Variants in CIZ1 observed in about 807,000 individuals in gnomAD.
CIZ1 encodes the protein cip1-interacting zinc finger protein.
CIZ1 carries 58 observed loss-of-function variants against 118.6 expected under a neutral mutation model. The observed-to-expected ratio is 0.49, with a 90% CI of 0.40 to 0.61. The LOEUF (loss-of-function observed/expected upper bound fraction) is 0.61, where lower values mean the gene tolerates loss of function less well. Among genes scored for constraint, CIZ1 ranks in the 20% least tolerant of loss-of-function variants. CIZ1 has a pLI of 0.00. For missense variants in CIZ1, 921 were observed against 1,115.9 expected (o/e 0.83, Z 2.49); for synonymous variants, 448 against 443.4 (o/e 1.01, Z -0.13).
intron 1 of CIZ1, among the ~76,000 whole-genome samples, chr9:128,199,516 C>A (rs560593992): frequency 2.0e-4 from 30 of 151,992 alleles, no homozygotes; most frequent in Non-Finnish European, 4.1e-4. Flanking sequence ...ACCTGGGCAA[C>A]AAAGCAAGAT....
intron 11 of CIZ1, among the ~76,000 whole-genome samples, chr9:128,170,395 C>T (rs1186184802): frequency 2.6e-5 from 4 of 152,178 alleles, no homozygotes; most frequent in Admixed American, 6.5e-5. Flanking sequence ...GACAGTGTAT[C>T]AGTGGGAAAG....
In CIZ1 at chr9:128,177,546, C is replaced by CAAAAAAACAG; in HGVS notation, c.1818+19_1818+20insCTGTTTTTTT. 2 of 1,353,446 alleles carry CAAAAAAACAG rather than the reference C, an allele frequency of 1.5e-6. No individual in the cohort carries two copies. The highest frequency in any genetic ancestry group is 2.0e-6 in the Non-Finnish European group (2 of 1,013,742). 83.8% of individuals were successfully genotyped at this position (1,353,446 alleles called of 1,614,324 possible). A position where few individuals can be genotyped will look rare whatever the true frequency, so the allele number is the denominator to read the frequency against. The stretch of plus-strand genomic sequence containing the variant: ...CACGCAGGCCCCACCCCTCCCCACC[C>CAAAAAAACAG]TTATCTCCTGTATCAGTACCTGCTG... On this transcript the variant is annotated intron_variant, in intron 10 of 16. Coordinates refer to ENST00000372938, the MANE Select transcript of CIZ1 (RefSeq NM_001131016.2).
chr9:128,183,314 A>G (rs2130982847), intron 5 of CIZ1, among the ~76,000 whole-genome samples: 1 of 152,336 alleles, frequency 6.6e-6, no homozygotes, highest in South Asian at 2.1e-4. Flanking sequence ...TGTGGGGCGC[A>G]GGACCAACCG....
At position 128,185,574 on chromosome 9, in the gene CIZ1, G is replaced by C. The variant is rs573707113; in HGVS notation, c.561C>G (p.Thr187=). The C allele has an allele frequency of 1.3e-6, 2 of 1,522,280 alleles. No individual in the cohort carries two copies. Among genetic ancestry groups the C allele is most frequent in the Non-Finnish European group, 1.8e-6 (2 of 1,134,980 alleles). The allele number at this position is 1,522,280 out of a possible 1,614,324, so 94.3% of individuals were successfully genotyped here. ...TTCGATTGGGGGTGGTAGAGGAGGA[G>C]GTCCGGGCCTGTTTCTGGGGGTTCC... is the stretch of plus-strand genomic sequence containing the variant. ...SGRNPQKQAR[T]SSSTTPNRKD... The change falls in exon 5 of 17, where the codon ACC becomes ACG. Residue 187 remains threonine (T), a synonymous_variant. Coordinates refer to ENST00000372938, the MANE Select transcript of CIZ1 (RefSeq NM_001131016.2).
chr9:128,176,865 C>T (rs1464031078), intron 10 of CIZ1, among the ~76,000 whole-genome samples: 1 of 152,178 alleles, frequency 6.6e-6, no homozygotes, highest in Non-Finnish European at 1.5e-5. Context: ...TGTCACATTG[C>T]TGAATCCCCA....
chr9:128,179,052 T>A lies in CIZ1; in HGVS notation c.1155A>T (p.Ser385=), dbSNP rs1177986746. The A allele has an allele frequency of 2.5e-6, 4 of 1,613,242 alleles. No individual in the cohort carries two copies. The highest frequency in any genetic ancestry group is 3.4e-6 in the Non-Finnish European group (4 of 1,179,270). The change falls in exon 8 of 17, where the codon TCA becomes TCT. Residue 385 remains serine (S), a synonymous_variant. Transcript: ENST00000372938. ...VQPQVQPQAH[S]QGPRQVQLQQ... ...GCAGCTGCACCTGCCTTGGGCCCTG[T>A]GAATGTGCCTGTGGCTGTACCTGTG...
chr9:128,191,150 C>A lies in CIZ1; in HGVS notation c.-6+282G>T. 2.0e-6 allele frequency: 1 copy of A among 512,362 alleles called. No individual in the cohort carries two copies. The highest frequency in any genetic ancestry group is 2.8e-5 in the South Asian group (1 of 35,608). 31.7% of individuals were successfully genotyped at this position (512,362 alleles called of 1,614,324 possible). A position where few individuals can be genotyped will look rare whatever the true frequency, so the allele number is the denominator to read the frequency against. ...TCCATCTCTCCATTTCTGGCGGCTC[C>A]ATCCTCCCACCCTCAGCCTCAGCCT... On this transcript the variant is annotated intron_variant, in intron 1 of 16. Transcript: ENST00000372938. The surrounding 1 kb of genome is among the most constrained non-coding windows in gnomAD (Gnocchi z 5.5).
chr9:128,190,303 G>A, intron 3 of CIZ1, 26 bp downstream of exon 3: 2 of 1,528,208 alleles, frequency 1.3e-6, no homozygotes, highest in Non-Finnish European at 1.8e-6. Context: ...AAAAGAGACT[G>A]AGAAGAGGCC....
chr9:128,196,377 C>T (rs1336804442), upstream of CIZ1, among the ~76,000 whole-genome samples: 3 of 151,842 alleles, frequency 2.0e-5, no homozygotes, highest in African/African-American at 7.3e-5. Flanking sequence ...GGGAGATCAC[C>T]GTCTCTACAA....
upstream of CIZ1, among the ~76,000 whole-genome samples, chr9:128,194,545 G>A (rs545389261): frequency 4.0e-5 from 6 of 151,830 alleles, no homozygotes; most frequent in Admixed American, 2.6e-4. Flanking sequence ...AGCTGGGCAT[G>A]GTGGCTCACG....
chr9:128,200,732 G>A (rs867356175), intron 1 of CIZ1, among the ~76,000 whole-genome samples: 2 of 152,048 alleles, frequency 1.3e-5, no homozygotes, highest in Non-Finnish European at 2.9e-5. Context: ...AGCTACTTTG[G>A]AGGCTGAGGC....
intron 14 of CIZ1, 147 bp downstream of exon 14, chr9:128,168,905 C>G: frequency 8.9e-7 from 1 of 1,119,654 alleles, no homozygotes; most frequent in Non-Finnish European, 1.3e-6. Flanking sequence ...CATAGTCATG[C>G]AGAAGGCAGT....
chr9:128,204,160 A>G (rs1175485635), intron 1 of CIZ1: 1 of 152,418 alleles, frequency 6.6e-6, no homozygotes, highest in East Asian at 1.9e-4. Flanking sequence ...AGGACCGGGC[A>G]CGGCCTCCCG....
rs1423802193 is a variant in CIZ1 at position 128,203,431 on chromosome 9, A to G, written c.-6+755T>C. The G allele has an allele frequency of 1.1e-5, 16 of 1,421,442 alleles. No homozygotes were observed. The highest frequency in any genetic ancestry group is 1.5e-5 in the Non-Finnish European group (16 of 1,083,886). The allele number at this position is 1,421,442 out of a possible 1,614,324, so 88.1% of individuals were successfully genotyped here. The stretch of plus-strand genomic sequence containing the variant: ...AGCCGGAGTCGGAGCCGGGAGCGCT[A>G]GCGGCAGCCGGATCGCAGCCTGCGG... On this transcript the variant is annotated intron_variant, in intron 1 of 17. Transcript: ENST00000372948. The surrounding 1 kb of genome is among the most constrained non-coding windows in gnomAD (Gnocchi z 5.3).
chr9:128,174,287 G>A (rs1233807716), intron 11 of CIZ1, among the ~76,000 whole-genome samples: 1 of 152,172 alleles, frequency 6.6e-6, no homozygotes, highest in Non-Finnish European at 1.5e-5. Context: ...AAACGTGCAC[G>A]TGACCACAAT....
rs777527266 is a variant in CIZ1, at chr9:128,179,333, G to C, written c.874C>G (p.Gln292Glu). The C allele has an allele frequency of 1.2e-6, 2 of 1,614,158 alleles. No individual in the cohort carries two copies. Among genetic ancestry groups the C allele is most frequent in the African/African-American group, 2.7e-5 (2 of 75,028 alleles). The change falls in exon 8 of 17, where the codon CAG (glutamine) becomes GAG (glutamate). Residue 292 changes from glutamine to glutamate, a missense_variant. Coordinates refer to ENST00000372938, the MANE Select transcript of CIZ1 (RefSeq NM_001131016.2). ...QPQARMTVPKQTQTPDLLPEA... is the reference protein window; with the variant it reads ...QPQARMTVPKETQTPDLLPEA... ...GGCAGCAGGTCTGGTGTCTGTGTCT[G>C]TTTCGGTACTGTCATCCGGGCCTGC...
At chr9:128,198,451 G>A (rs1329832424) in intron 1 of CIZ1, 3 of 152,110 alleles carry the variant, frequency 2.0e-5, no homozygotes, top group Non-Finnish European at 4.4e-5. Context: ...ACTTGACCCC[G>A]GAGCTGTGTA....
In CIZ1 at chr9:128,178,909, G is replaced by T; in HGVS notation, c.1298C>A (p.Pro433Gln). The T allele has an allele frequency of 6.2e-7, 1 of 1,614,228 alleles. No homozygotes were observed. Among genetic ancestry groups the T allele is most frequent in the Non-Finnish European group, 8.5e-7 (1 of 1,180,038 alleles). The change falls in exon 8 of 17, where the codon CCA (proline) becomes CAA (glutamine). Residue 433 changes from proline (P) to glutamine (Q), a missense_variant. Physicochemically the swap from Pro to Gln is moderately conservative, Grantham distance 76 (BLOSUM62 -1). Coordinates refer to ENST00000372938, the MANE Select transcript of CIZ1 (RefSeq NM_001131016.2). ...LQKQVQTQTY[P>Q]QVHTQAQPSV... The stretch of plus-strand genomic sequence containing the variant: ...TGGCTGTGCCTGTGTGTGGACCTGT[G>T]GATATGTCTGTGTCTGGACCTGCTT...
upstream of CIZ1, among the ~76,000 whole-genome samples, chr9:128,194,744 G>T (rs1238001680): frequency 6.6e-6 from 1 of 152,118 alleles, no homozygotes; most frequent in Non-Finnish European, 1.5e-5. Flanking sequence ...CTTGAACCTG[G>T]TAGGCAGAGG....
Sources: allele counts gnomAD v4.1 joint callset (sites outside exome capture counted in the v4.1 genomes callset), GRCh38; gene constraint gnomAD v4.1.1; non-coding constraint Gnocchi (gnomAD v3.1); transcripts MANE v1.5; gene names NCBI Gene and HGNC (gene_info 2026-07-23, HGNC 2026-07-21).